The following SCN1A variants were observed in gnomAD, a reference collection of about 807,000 sequenced individuals.
The protein encoded by SCN1A is sodium voltage-gated channel alpha subunit 1, also known as sodium channel protein type 1 subunit alpha.
A neutral mutation model predicts 193.7 loss-of-function variants in SCN1A; 13 were observed. That is an observed-to-expected ratio of 0.07 (90% confidence interval 0.04 to 0.11). The LOEUF (loss-of-function observed/expected upper bound fraction) is 0.11, where lower values mean the gene tolerates loss of function less well. Ranked by LOEUF, SCN1A falls within the 10% of genes least tolerant of loss-of-function variation. The pLI, the probability that SCN1A is intolerant of heterozygous loss-of-function variation, is 1.00. For synonymous variants in SCN1A, 781 were observed against 843.6 expected (o/e 0.93, Z 1.29); for missense variants, 1,432 against 2,451.1 (o/e 0.58, Z 8.78).
chr2:166,055,869 G>A (rs1699078517), intron 6 of SCN1A, among the ~76,000 whole-genome samples: 1 of 151,994 alleles, frequency 6.6e-6, no homozygotes, highest in Non-Finnish European at 1.5e-5. Context: ...ACTTCTGTTA[G>A]TTTAGTCTTC....
intron 13 of SCN1A, 101 bp from the exon 14 acceptor site, chr2:166,044,150 T>C: frequency 7.8e-7 from 1 of 1,274,912 alleles, no homozygotes; most frequent in Non-Finnish European, 1.1e-6. Context: ...TCAGCATTCA[T>C]AACAGAATAT....
rs1295072436 is a variant in SCN1A at position 166,002,585 on chromosome 2, T to G, written c.4171A>C (p.Asn1391His). The G allele has an allele frequency of 3.1e-6, 5 of 1,611,942 alleles. No individual in the cohort carries two copies. In the Admixed American group the frequency reaches 8.4e-5, roughly 27 times the overall value. Residue 1391 changes from asparagine to histidine, a missense_variant, in exon 24 of 29, where the codon AAT becomes CAT. Asn to His is a moderately conservative substitution (Grantham distance 68). Transcript: ENST00000674923. ...AGTTTTAGGCAATCAGTATGATTAT[T>G]CACGTCTTCGATGTCAAACCTGTCA... Reference protein sequence around the residue: ...TGDRFDIEDVNNHTDCLKLIE... With the variant: ...TGDRFDIEDVHNHTDCLKLIE...
At chr2:165,994,687 C>T (rs141934779) in intron 27 of SCN1A, among the ~76,000 whole-genome samples, 3 of 150,618 alleles carry the variant, frequency 2.0e-5, no homozygotes, top group African/African-American at 5.0e-5. Context: ...ACAAAAGAAA[C>T]ATTCAACACT....
At chr2:166,037,148 C>A (rs1430421674) in intron 18 of SCN1A, among the ~76,000 whole-genome samples, 1 of 152,040 alleles carries the variant, frequency 6.6e-6, no homozygotes, top group Admixed American at 6.6e-5. Context: ...TAAACAGTAA[C>A]ACTCCAAATT....
At chr2:166,051,024 C>T (rs1234046136) in intron 9 of SCN1A, among the ~76,000 whole-genome samples, 1 of 151,876 alleles carries the variant, frequency 6.6e-6, no homozygotes, top group African/African-American at 2.4e-5. Context: ...TAATGAGTTA[C>T]ATTTGCATAG....
chr2:166,124,729 T>G (rs571170861), intron 2 of SCN1A, among the ~76,000 whole-genome samples: 1 of 152,336 alleles, frequency 6.6e-6, no homozygotes, highest in African/African-American at 2.4e-5. Flanking sequence ...ACATGGATGA[T>G]GAGCAAACAT....
chr2:166,063,315 A>G lies in SCN1A; in HGVS notation c.265-4627T>C, dbSNP rs1219055525. Among the ~76,000 whole-genome samples the G allele has an allele frequency of 9.2e-5, 14 of 152,240 alleles. No homozygotes were observed. The East Asian group carries it at 2.3e-3, about 25-fold the overall frequency. On this transcript the variant is annotated intron_variant, in intron 4 of 28. Transcript: ENST00000674923. ...TTACAGACTTATTTGCAGGAATGTA[A>G]CATTCATACAATAGGGTTGTTCTAG...
At chr2:166,074,569 C>T (rs115853339) in intron 3 of SCN1A, among the ~76,000 whole-genome samples, 323 of 152,286 alleles carry the variant, frequency 2.1e-3, no homozygotes, top group African/African-American at 7.5e-3. Context: ...AAACCGTCAA[C>T]CCCATACAGC....
At chr2:166,100,004 A>C (rs1163303854) in intron 2 of SCN1A, among the ~76,000 whole-genome samples, 7 of 99,376 alleles carry the variant, frequency 7.0e-5, no homozygotes. Flanking sequence ...CAGAATTGGA[A>C]AAAACTACTT....
intron 19 of SCN1A, among the ~76,000 whole-genome samples, chr2:166,023,977 A>T (rs1033949923): frequency 6.6e-6 from 1 of 151,926 alleles, no homozygotes; most frequent in Non-Finnish European, 1.5e-5. Flanking sequence ...GGGTTTCACC[A>T]TGTTGGCCAG....
chr2:166,142,186 C>T (rs1692116366), intron 1 of SCN1A, among the ~76,000 whole-genome samples: 1 of 152,162 alleles, frequency 6.6e-6, no homozygotes, highest in Non-Finnish European at 1.5e-5. Flanking sequence ...CCTGGCACAC[C>T]TGCTAAAGAG....
chr2:166,143,291 C>T (rs1425503394), intron 1 of SCN1A, among the ~76,000 whole-genome samples: 13 of 151,628 alleles, frequency 8.6e-5, no homozygotes, highest in African/African-American at 2.7e-4. Context: ...CTCAGCCTCC[C>T]GAGTAGCTGG....
At chr2:166,037,663 T>TC in intron 18 of SCN1A, 113 bp downstream of exon 18, 1 of 941,142 alleles carries the variant, frequency 1.1e-6, no homozygotes, top group Middle Eastern at 2.5e-4. Context: ...CTCTTTTTTT[T>TC]TATTATACTT....
chr2:166,021,619 T>G (rs1220134185), intron 19 of SCN1A, among the ~76,000 whole-genome samples: 3 of 152,174 alleles, frequency 2.0e-5, no homozygotes, highest in Non-Finnish European at 4.4e-5. Flanking sequence ...AGAAAGGCAT[T>G]AAGCTTAAAC....
chr2:166,042,542 A>G (rs961778329), intron 14 of SCN1A, 118 bp from the exon 15 acceptor site: 18 of 892,676 alleles, frequency 2.0e-5, no homozygotes, highest in African/African-American at 8.2e-5. Flanking sequence ...TTCATATTCA[A>G]TTGGTGATGG....
At chr2:166,115,218 G>A (rs1405153160) in intron 2 of SCN1A, among the ~76,000 whole-genome samples, 1 of 152,064 alleles carries the variant, frequency 6.6e-6, no homozygotes, top group African/African-American at 2.4e-5. Flanking sequence ...AATTAGCTGG[G>A]CATGGTGGCG....
At chr2:166,033,750 T>C (rs537517035) in intron 19 of SCN1A, among the ~76,000 whole-genome samples, 108 of 151,588 alleles carry the variant, frequency 7.1e-4, no homozygotes, top group African/African-American at 2.0e-3. Context: ...CCTTGATCAA[T>C]ATAAAAAAAC....
At chr2:166,093,172 G>A (rs760642285) in intron 2 of SCN1A, among the ~76,000 whole-genome samples, 1 of 151,564 alleles carries the variant, frequency 6.6e-6, no homozygotes, top group Non-Finnish European at 1.5e-5. Flanking sequence ...CCATGACCAA[G>A]CAGAGGATAT....
chr2:166,034,076 T>C (rs936064658), intron 19 of SCN1A, among the ~76,000 whole-genome samples: 1 of 149,624 alleles, frequency 6.7e-6, no homozygotes, highest in Admixed American at 6.7e-5. Flanking sequence ...TTAAAATTTC[T>C]GTAAAAAAGT....
Sources: allele counts gnomAD v4.1 joint callset (sites outside exome capture counted in the v4.1 genomes callset), GRCh38; gene constraint gnomAD v4.1.1; transcripts MANE v1.5; gene names NCBI Gene and HGNC (gene_info 2026-07-23, HGNC 2026-07-21).